Variants in IKZF3 observed in about 807,000 individuals in gnomAD.
The protein encoded by IKZF3 is zinc finger protein Aiolos.
In IKZF3, 10 loss-of-function variants were observed where a neutral mutation model predicts 49.0. The observed-to-expected ratio is 0.20, with a 90% CI of 0.13 to 0.35. The LOEUF is 0.35. Among genes scored for constraint, IKZF3 ranks in the 10% least tolerant of loss-of-function variants. The pLI is 1.00. For missense variants in IKZF3, 498 were observed against 664.8 expected (o/e 0.75, Z 2.76); for synonymous variants, 209 against 228.2 (o/e 0.92, Z 0.76).
At chr17:39,835,470 C>G in intron 1 of IKZF3, 1 of 451,666 alleles carries the variant, frequency 2.2e-6, no homozygotes, top group Non-Finnish European at 4.4e-6. Context: ...GGCTGATGTT[C>G]CAGTTTATCT....
intron 1 of IKZF3, chr17:39,835,158 T>C: frequency 2.0e-6 from 1 of 488,372 alleles, no homozygotes; most frequent in Non-Finnish European, 4.1e-6. Context: ...CCCACCTGAG[T>C]AGCCCCTGGT....
At chr17:39,863,695 C>G in intron 1 of IKZF3, among the ~76,000 whole-genome samples, 1 of 152,162 alleles carries the variant, frequency 6.6e-6, no homozygotes, top group Admixed American at 6.5e-5. Context: ...ATGTACCTTT[C>G]CCATATGACA....
chr17:39,864,222 A>T lies in IKZF3; in HGVS notation c.-96T>A. On this transcript the variant is annotated 5_prime_UTR_variant, in exon 1 of 8. Transcript: ENST00000346872. ...GGACTCAGCGCGCAGCTGGCGGGAGATTCCCGGCGCGGGGAGTCCCCGGGA... is the reference window on the plus strand; with the variant it reads ...GGACTCAGCGCGCAGCTGGCGGGAGTTTCCCGGCGCGGGGAGTCCCCGGGA... The T allele has an allele frequency of 1.4e-6, 2 of 1,444,170 alleles. No individual in the cohort carries two copies. Among genetic ancestry groups the T allele is most frequent in the Non-Finnish European group, 1.9e-6 (2 of 1,064,460 alleles). The allele number at this position is 1,444,170 out of a possible 1,614,324, so 89.5% of individuals were successfully genotyped here.
intron 1 of IKZF3, among the ~76,000 whole-genome samples, chr17:39,860,641 T>C (rs1391593355): frequency 6.6e-6 from 1 of 152,240 alleles, no homozygotes; most frequent in African/African-American, 2.4e-5. Context: ...TTCTCACTTA[T>C]GACGGGGAGC....
chr17:39,815,733 T>C (rs893558593), intron 3 of IKZF3, among the ~76,000 whole-genome samples: 1 of 152,210 alleles, frequency 6.6e-6, no homozygotes, highest in Non-Finnish European at 1.5e-5. Flanking sequence ...AGTCTGAAGA[T>C]AGTTACAGTT....
intron 3 of IKZF3, among the ~76,000 whole-genome samples, chr17:39,794,936 C>T (rs1282431743): frequency 1.3e-5 from 2 of 152,034 alleles, no homozygotes; most frequent in Admixed American, 6.6e-5. Flanking sequence ...AGAACCTCAA[C>T]GGAAAATTTC....
chr17:39,832,491 GTATA>G (rs35439365), intron 1 of IKZF3, among the ~76,000 whole-genome samples: 3 of 147,610 alleles, frequency 2.0e-5, no homozygotes, highest in Admixed American at 6.8e-5. Flanking sequence ...GTTCAAAGTG[GTATA>G]TATATATATA....
At chr17:39,829,143 T>G (rs939267437) in intron 3 of IKZF3, among the ~76,000 whole-genome samples, 2 of 152,108 alleles carry the variant, frequency 1.3e-5, no homozygotes, top group Non-Finnish European at 2.9e-5. Flanking sequence ...TAATGGAAAA[T>G]AGTCAAACAT....
At chr17:39,778,315 T>C (rs559045431) in intron 6 of IKZF3, 1 of 358,716 alleles carries the variant, frequency 2.8e-6, no homozygotes, top group Non-Finnish European at 3.9e-6. Context: ...TTTTCTTTTT[T>C]TTTTTCAGCA....
At chr17:39,775,971 A>AT (rs1255162829) in intron 7 of IKZF3, among the ~76,000 whole-genome samples, 2 of 151,486 alleles carry the variant, frequency 1.3e-5, no homozygotes, top group African/African-American at 4.8e-5. Context: ...GTCGCTTTAC[A>AT]TTTTTTTCTT....
intron 7 of IKZF3, among the ~76,000 whole-genome samples, chr17:39,767,189 T>C (rs2060315834): frequency 6.6e-6 from 1 of 152,206 alleles, no homozygotes; most frequent in Non-Finnish European, 1.5e-5. Flanking sequence ...CGTGTGTTTC[T>C]CTTCCTTTGC....
At chr17:39,850,319 A>C (rs934406886) in intron 1 of IKZF3, among the ~76,000 whole-genome samples, 12 of 139,366 alleles carry the variant, frequency 8.6e-5, no homozygotes, top group Non-Finnish European at 1.8e-4. Context: ...ATACATGTAC[A>C]TATAATATAT....
chr17:39,829,069 T>C (rs12946792), intron 3 of IKZF3, among the ~76,000 whole-genome samples: 8,761 of 152,152 alleles, frequency 0.058, 393 homozygotes, highest in African/African-American at 0.12. Context: ...AACCAGAAAA[T>C]TGGTTTGTTG....
intron 7 of IKZF3, among the ~76,000 whole-genome samples, chr17:39,776,813 G>A (rs926248526): frequency 6.6e-6 from 1 of 152,132 alleles, no homozygotes; most frequent in African/African-American, 2.4e-5. Flanking sequence ...AAGCAGCTTT[G>A]GAAAAAGAGG....
At chr17:39,806,952 C>T (rs77950703) in intron 3 of IKZF3, among the ~76,000 whole-genome samples, 3,046 of 152,230 alleles carry the variant, frequency 0.02, 114 homozygotes, top group African/African-American at 0.07. Flanking sequence ...AGTGAAGAAA[C>T]GAGGCCTTCA....
At chr17:39,842,741 G>T (rs1436807784) in intron 1 of IKZF3, among the ~76,000 whole-genome samples, 7 of 152,152 alleles carry the variant, frequency 4.6e-5, no homozygotes, top group African/African-American at 1.7e-4. Flanking sequence ...TGTGGTGACA[G>T]ATGGGATATT....
chr17:39,782,841 T>G (rs551647760), intron 6 of IKZF3, among the ~76,000 whole-genome samples: 1 of 152,320 alleles, frequency 6.6e-6, no homozygotes, highest in African/African-American at 2.4e-5. Flanking sequence ...CAATTTCCCT[T>G]CACATTGCTT....
rs541374279 is a variant in IKZF3 at position 39,863,148 on chromosome 17, C to T, written c.7+972G>A. ...TTGTTAAAAATTACACTTCAATAAA[C>T]CATTATTTAAATGTTAAAAATGCAA... is the stretch of plus-strand genomic sequence containing the variant. On this transcript the variant is annotated intron_variant, in intron 1 of 7. Transcript: ENST00000346872. Among the ~76,000 whole-genome samples, 11 of 151,998 alleles carry T rather than the reference C, an allele frequency of 7.2e-5. No individual in the cohort carries two copies. In the East Asian group the frequency reaches 1.9e-3, roughly 27 times the overall value.
Position 39,790,952 on chromosome 17 carries a change from C to T in IKZF3, c.592+464G>A, listed in dbSNP as rs570179702. On this transcript the variant is annotated intron_variant, in intron 5 of 7. Transcript: ENST00000346872. ...GAAAGTTGGATTTAATAAATTTATCCCAAATGGCCAAAAAGTAGCCCCCAA... is the reference window on the plus strand; with the variant it reads ...GAAAGTTGGATTTAATAAATTTATCTCAAATGGCCAAAAAGTAGCCCCCAA... Among the ~76,000 whole-genome samples the T allele has an allele frequency of 6.6e-5, 10 of 151,840 alleles. No individual in the cohort carries two copies. The South Asian group carries it at 1.7e-3, about 25-fold the overall frequency.
Sources: gnomAD v4.1 joint callset for allele counts (sites outside exome capture counted in the v4.1 genomes callset) on GRCh38, gnomAD v4.1.1 for gene constraint, MANE v1.5 for transcripts, NCBI Gene and HGNC (gene_info 2026-07-23, HGNC 2026-07-21) for gene names.